Variants in ZMYM1 observed in about 807,000 individuals in gnomAD.
The protein encoded by ZMYM1 is zinc finger MYM-type containing 1, also known as zinc finger MYM-type protein 1.
Under a neutral mutation model 60.0 loss-of-function variants are expected in ZMYM1, and 39 were observed. The ratio of observed to expected loss-of-function variants is 0.65; its 90% CI spans 0.50 to 0.85. The LOEUF (loss-of-function observed/expected upper bound fraction) is 0.85. ZMYM1 is among the 40% of genes least tolerant of loss of function. The pLI, the probability that ZMYM1 is intolerant of heterozygous loss-of-function variation, is 0.00. For synonymous variants in ZMYM1, 413 were observed against 454.0 expected, an observed-to-expected ratio of 0.91 and a Z score of 1.15; for missense variants, 1,171 against 1,309.5, an observed-to-expected ratio of 0.89 and a Z score of 1.63.
Position 35,091,887 on chromosome 1 carries a change from C to CAAA in ZMYM1, c.-74-2007_-74-2005dup, listed in dbSNP as rs779081046. Among the ~76,000 whole-genome samples, 149 of 83,156 alleles carry CAAA rather than the reference C, an allele frequency of 1.8e-3. 2 individuals are homozygous for CAAA. The highest frequency in any genetic ancestry group is 8.5e-3 in the South Asian group (15 of 1,760). The allele number at this position is 83,156 out of a possible 152,430, so 54.6% of individuals were successfully genotyped here. On this transcript the variant is annotated intron_variant, in intron 1 of 9. Coordinates refer to ENST00000359858, the MANE Select transcript of ZMYM1 (RefSeq NM_024772.5). ...TGAGTGACAGAGCGAGATCTTGTCTCAAAAAAAAAAAAAAAAAAAAAAGAG... is the reference window on the plus strand; with the variant it reads ...TGAGTGACAGAGCGAGATCTTGTCTCAAAAAAAAAAAAAAAAAAAAAAAAAGAG...
In ZMYM1 at chr1:35,114,240, A is replaced by G. The variant is rs1644193746; in HGVS notation, c.2410A>G (p.Ile804Val). 1.2e-6 allele frequency: 2 copies of G among 1,613,742 alleles called. No individual in the cohort carries two copies. The highest frequency in any genetic ancestry group is 2.2e-5 in the East Asian group (1 of 44,836). The change falls in exon 10 of 10, where the codon ATA becomes GTA. Residue 804 changes from isoleucine (I) to valine (V), a missense_variant. Coordinates refer to ENST00000359858, the MANE Select transcript of ZMYM1 (RefSeq NM_024772.5). Reference sequence around the variant, plus strand: ...TCAAAACAAAACATGCAAGAAACATATATCACAATCATGTTGGACAGTCCA... The same window carrying G: ...TCAAAACAAAACATGCAAGAAACATGTATCACAATCATGTTGGACAGTCCA... ...LSQNKTCKKHISQSCWTVHDR... is the reference protein window; with the variant it reads ...LSQNKTCKKHVSQSCWTVHDR...
At chr1:35,110,589 T>G in intron 7 of ZMYM1, 142 bp downstream of exon 7, 6 of 719,434 alleles carry the variant, frequency 8.3e-6, no homozygotes, top group Non-Finnish European at 1.2e-5. Flanking sequence ...CAAAGAACTG[T>G]TTTTCAGTAT....
chr1:35,078,537 ATTTTTTTTT>A (rs751468260), upstream of ZMYM1, among the ~76,000 whole-genome samples: 974 of 82,208 alleles, frequency 0.012, 7 homozygotes, highest in African/African-American at 0.045. Flanking sequence ...GGTTATTTTA[ATTTTTTTTT>A]TTTTTTTTTT....
At position 35,112,142 on chromosome 1, in the gene ZMYM1, C is replaced by T. The variant is rs1338412994; in HGVS notation, c.1146+12C>T. 6 of 1,612,138 alleles carry T rather than the reference C, an allele frequency of 3.7e-6. No individual in the cohort carries two copies. Among genetic ancestry groups the T allele is most frequent in the Non-Finnish European group, 5.1e-6 (6 of 1,179,082 alleles). On this transcript the variant is annotated intron_variant, in intron 9 of 9. Coordinates refer to ENST00000359858, the MANE Select transcript of ZMYM1 (RefSeq NM_024772.5). ...ATGTCATTGTGGATGTAAGTTTTAA[C>T]TTTTTTTACCACTGTCTTTTTTTAA...
At chr1:35,066,347 G>C (rs1384715269) in intron 1 of ZMYM1, among the ~76,000 whole-genome samples, 2 of 152,056 alleles carry the variant, frequency 1.3e-5, no homozygotes, top group African/African-American at 4.8e-5. Flanking sequence ...ACAGGCACAC[G>C]CCACCACGCC....
At chr1:35,074,448 C>T (rs1262506667), upstream of ZMYM1, among the ~76,000 whole-genome samples, 1 of 151,872 alleles carries the variant, frequency 6.6e-6, no homozygotes. Context: ...GAGACTCTGT[C>T]ACCAGGCTGG....
rs1200143166 is a variant in ZMYM1 at position 35,115,678 on chromosome 1, C to T, written c.*419C>T. The T allele has an allele frequency of 9.9e-6, 1 of 100,556 alleles. No individual in the cohort carries two copies. The highest frequency in any genetic ancestry group is 2.2e-5 in the Non-Finnish European group (1 of 45,002). The allele number at this position is 100,556 out of a possible 1,614,324, so 6.2% of individuals were successfully genotyped here. A position where few individuals can be genotyped will look rare whatever the true frequency, so the allele number is the denominator to read the frequency against. On this transcript the variant is annotated 3_prime_UTR_variant, in exon 10 of 10. Coordinates refer to ENST00000359858, the MANE Select transcript of ZMYM1 (RefSeq NM_024772.5). ...ATTTTATAACCTTTTATATAGGTCA[C>T]ATTGCACATGAGTGAGTTTACTGTA...
upstream of ZMYM1, among the ~76,000 whole-genome samples, chr1:35,074,687 A>G (rs201764737): frequency 6.6e-6 from 1 of 152,092 alleles, no homozygotes; most frequent in African/African-American, 2.4e-5. Flanking sequence ...GATTACAGGC[A>G]TGAGCCACCG....
In ZMYM1 at chr1:35,073,332, A is replaced by AG. The variant is rs1557626466; in HGVS notation, c.-300-5661dup. Among the ~76,000 whole-genome samples the AG allele has an allele frequency of 1.1e-4, 10 of 91,766 alleles. No individual in the cohort carries two copies. The East Asian group carries it at 1.5e-3, about 13-fold the overall frequency. The allele number at this position is 91,766 out of a possible 152,430, so 60.2% of individuals were successfully genotyped here. On this transcript the variant is annotated intron_variant, in intron 1 of 10. Coordinates refer to the ZMYM1 transcript ENST00000417119. ...AAGGAAGAAAAAAAGAAAGGGAGAA[A>AG]GAAAGAAAGGAAGGAAGGAAGGAAG...
intron 1 of ZMYM1, among the ~76,000 whole-genome samples, chr1:35,064,453 A>T (rs1016503214): frequency 1.3e-5 from 2 of 152,030 alleles, no homozygotes; most frequent in African/African-American, 4.8e-5. Flanking sequence ...AAACAATTGG[A>T]TCTAATTTAC....
chr1:35,082,350 A>T lies in ZMYM1; in HGVS notation c.-75+2908A>T, dbSNP rs534705866. ...TCCTTTCCAACTTTTTTTTTTTTTT[A>T]AATGGAGTCATGCGCTGTCACCCAG... On this transcript the variant is annotated intron_variant, in intron 1 of 9. Transcript: ENST00000359858. 1.0e-3 allele frequency among the ~76,000 whole-genome samples: 150 copies of T among 149,528 alleles called. 1 individual carries two copies. Among genetic ancestry groups the T allele is most frequent in the South Asian group, 1.3e-3 (6 of 4,744 alleles).
Position 35,080,098 on chromosome 1 carries a change from C to CAAAA in ZMYM1, c.-75+664_-75+667dup, listed in dbSNP as rs56835808. On this transcript the variant is annotated intron_variant, in intron 1 of 9. Coordinates refer to ENST00000359858, the MANE Select transcript of ZMYM1 (RefSeq NM_024772.5). ...TGCACTCCAGAGCGAGACCCCGTCT[C>CAAAA]AAAAAAAAAAATGAAATGTTTGCTG... 3.1e-3 allele frequency among the ~76,000 whole-genome samples: 463 copies of CAAAA among 149,606 alleles called. 1 individual carries two copies. The highest frequency in any genetic ancestry group is 0.011 in the African/African-American group (448 of 40,926).
At chr1:35,089,738 CTTTT>C (rs71029065) in intron 1 of ZMYM1, among the ~76,000 whole-genome samples, 11 of 60,990 alleles carry the variant, frequency 1.8e-4, no homozygotes, top group African/African-American at 5.0e-4. Context: ...AGTTGTAAGG[CTTTT>C]TTTTTTTTTT....
intron 1 of ZMYM1, among the ~76,000 whole-genome samples, chr1:35,092,775 A>C (rs529067282): frequency 6.6e-6 from 1 of 152,006 alleles, no homozygotes; most frequent in South Asian, 2.1e-4. Flanking sequence ...TTACCAGCGC[A>C]TGCCACCAAG....
upstream of ZMYM1, among the ~76,000 whole-genome samples, chr1:35,075,824 C>T (rs1158039679): frequency 6.6e-6 from 1 of 152,138 alleles, no homozygotes; most frequent in African/African-American, 2.4e-5. Context: ...GCTTTACTTC[C>T]AGGAAAGGTT....
At chr1:35,099,735 T>C (rs1290990752) in intron 4 of ZMYM1, among the ~76,000 whole-genome samples, 16 of 152,170 alleles carry the variant, frequency 1.1e-4, no homozygotes, top group Non-Finnish European at 2.2e-4. Flanking sequence ...CAGTTACTTA[T>C]TTATTTATTT....
At chr1:35,100,082 A>C (rs1643560957) in intron 4 of ZMYM1, among the ~76,000 whole-genome samples, 1 of 152,078 alleles carries the variant, frequency 6.6e-6, no homozygotes, top group Non-Finnish European at 1.5e-5. Context: ...GTAGAGATGC[A>C]GTTTCGCCAT....
At chr1:35,116,347 G>C (rs752907473), downstream of ZMYM1, among the ~76,000 whole-genome samples, 10 of 152,106 alleles carry the variant, frequency 6.6e-5, no homozygotes, top group Non-Finnish European at 1.2e-4. Flanking sequence ...CTGTGGTTTT[G>C]ATTTATACAT....
At chr1:35,110,584 A>G in intron 7 of ZMYM1, 137 bp downstream of exon 7, 1 of 775,690 alleles carries the variant, frequency 1.3e-6, no homozygotes, top group Non-Finnish European at 1.8e-6. Flanking sequence ...TGTTGCAAAG[A>G]ACTGTTTTTC....
Sources: gnomAD v4.1 joint callset for allele counts (sites outside exome capture counted in the v4.1 genomes callset) on GRCh38, gnomAD v4.1.1 for gene constraint, MANE v1.5 for transcripts, NCBI Gene and HGNC (gene_info 2026-07-23, HGNC 2026-07-21) for gene names.